Variants in IRAK2 observed in about 807,000 individuals in gnomAD.
IRAK2 encodes interleukin 1 receptor associated kinase 2, also known as interleukin-1 receptor-associated kinase-like 2.
In IRAK2, 57 loss-of-function variants were observed where a neutral mutation model predicts 72.0. The ratio of observed to expected loss-of-function variants is 0.79; its 90% CI spans 0.64 to 0.99. The LOEUF (loss-of-function observed/expected upper bound fraction) is 0.99. IRAK2 is among the 50% of genes least tolerant of loss of function. IRAK2 has a pLI of 0.00. For missense variants in IRAK2, 790 were observed against 794.4 expected (o/e 0.99, Z 0.07); for synonymous variants, 293 against 312.7 (o/e 0.94, Z 0.67).
At chr3:10,222,571 C>G (rs1697712835) in intron 8 of IRAK2, 65 bp from the exon 9 acceptor site, 1 of 1,380,000 alleles carries the variant, frequency 7.2e-7, no homozygotes, top group Non-Finnish European at 1.0e-6. Flanking sequence ...CCCAAAGGGT[C>G]TCCATGGCAA....
At chr3:10,181,335 C>G (rs1307967269) in intron 2 of IRAK2, among the ~76,000 whole-genome samples, 4 of 152,090 alleles carry the variant, frequency 2.6e-5, no homozygotes, top group Admixed American at 6.6e-5. Context: ...CTTGGCTGGG[C>G]ATGGTGGCTC....
Position 10,243,596 on chromosome 3 carries a change from T to C in IRAK2, c.*1368T>C, listed in dbSNP as rs988134164. 2 of 152,690 alleles carry C rather than the reference T, an allele frequency of 1.3e-5. No homozygotes were observed. The highest frequency in any genetic ancestry group is 2.9e-5 in the Non-Finnish European group (2 of 68,048). The allele number at this position is 152,690 out of a possible 1,614,324, so 9.5% of individuals were successfully genotyped here. On this transcript the variant is annotated 3_prime_UTR_variant, in exon 13 of 13. Coordinates refer to ENST00000256458, the MANE Select transcript of IRAK2 (RefSeq NM_001570.4). ...ATGTGTATTTCTGCCATGTACCTAA[T>C]GATTATTCAGTGCGTATATATCTGA...
At chr3:10,242,015 C>A in intron 12 of IRAK2, 101 bp from the exon 13 acceptor site, 10 of 630,890 alleles carry the variant, frequency 1.6e-5, no homozygotes, top group South Asian at 2.1e-5. Flanking sequence ...GCTCATTACA[C>A]TCAGGGCCTG....
Position 10,182,287 on chromosome 3 carries a change from C to CTTT in IRAK2, c.277+4278_277+4280dup, listed in dbSNP as rs564399732. 6.9e-4 allele frequency among the ~76,000 whole-genome samples: 89 copies of CTTT among 128,730 alleles called. 1 individual carries two copies. The highest frequency in any genetic ancestry group is 9.2e-4 in the Non-Finnish European group (57 of 61,644). The allele number at this position is 128,730 out of a possible 152,430, so 84.5% of individuals were successfully genotyped here. A position where few individuals can be genotyped will look rare whatever the true frequency, so the allele number is the denominator to read the frequency against. ...CCCAGCTACATCATTTTCTTTTTTTCTTTTTTTTTTTTTGGGACAGAGTCT... is the reference window on the plus strand; with the variant it reads ...CCCAGCTACATCATTTTCTTTTTTTCTTTTTTTTTTTTTTTTGGGACAGAGTCT... On this transcript the variant is annotated intron_variant, in intron 2 of 12. Transcript: ENST00000256458.
chr3:10,184,391 A>G (rs1180481715), intron 2 of IRAK2, among the ~76,000 whole-genome samples: 1 of 152,178 alleles, frequency 6.6e-6, no homozygotes, highest in East Asian at 1.9e-4. Flanking sequence ...ACCTGTCTTG[A>G]CCTGCATAAA....
At chr3:10,208,227 T>C (rs1190626883) in intron 3 of IRAK2, among the ~76,000 whole-genome samples, 3 of 151,982 alleles carry the variant, frequency 2.0e-5, no homozygotes, top group Non-Finnish European at 2.9e-5. Context: ...CATTTCACCA[T>C]CTGCAAAGAG....
chr3:10,174,530 G>GTTTTA (rs1696843270), intron 1 of IRAK2, among the ~76,000 whole-genome samples: 2 of 151,826 alleles, frequency 1.3e-5, no homozygotes, highest in African/African-American at 2.4e-5. Flanking sequence ...GTTTTGTTTT[G>GTTTTA]TTTTATTTTT....
chr3:10,172,793 G>A lies in IRAK2; in HGVS notation c.95-5045G>A, dbSNP rs1322600390. Among the ~76,000 whole-genome samples, 30 of 143,238 alleles carry A rather than the reference G, an allele frequency of 2.1e-4. No homozygotes were observed. In the Admixed American group the frequency reaches 2.1e-3, roughly 10 times the overall value. 94.0% of individuals were successfully genotyped at this position (143,238 alleles called of 152,430 possible). A position where few individuals can be genotyped will look rare whatever the true frequency, so the allele number is the denominator to read the frequency against. On this transcript the variant is annotated intron_variant, in intron 1 of 12. Transcript: ENST00000256458. ...GTGGAGGTTGTGGTGAGCCAAGATC[G>A]CGCCACTGCACTCCAGCCTGGGCAA...
intron 7 of IRAK2, among the ~76,000 whole-genome samples, chr3:10,218,995 C>T (rs879277441): frequency 1.3e-5 from 2 of 152,098 alleles, no homozygotes; most frequent in African/African-American, 2.4e-5. Flanking sequence ...CCCAGGAGTT[C>T]GAGACCAGCC....
chr3:10,185,043 C>T (rs891988969), intron 2 of IRAK2, among the ~76,000 whole-genome samples: 2 of 151,064 alleles, frequency 1.3e-5, no homozygotes, highest in African/African-American at 2.5e-5. Context: ...AACTCCATTC[C>T]CAGGTAAAGG....
At chr3:10,204,890 G>A (rs1697412212) in intron 3 of IRAK2, among the ~76,000 whole-genome samples, 1 of 152,042 alleles carries the variant, frequency 6.6e-6, no homozygotes, top group African/African-American at 2.4e-5. Flanking sequence ...CCTCACTCTT[G>A]GAAACAAGAT....
chr3:10,209,384 G>C (rs1697484031), intron 3 of IRAK2, among the ~76,000 whole-genome samples: 1 of 152,186 alleles, frequency 6.6e-6, no homozygotes, highest in Admixed American at 6.5e-5. Flanking sequence ...ATGATAAACA[G>C]GCCCCAGGTT....
chr3:10,167,850 G>T (rs1215905547), intron 1 of IRAK2, among the ~76,000 whole-genome samples: 1 of 152,216 alleles, frequency 6.6e-6, no homozygotes, highest in African/African-American at 2.4e-5. Flanking sequence ...TCACATACAA[G>T]ATTTTGTGCA....
chr3:10,201,018 C>T (rs1392524710), intron 3 of IRAK2, among the ~76,000 whole-genome samples: 1 of 152,136 alleles, frequency 6.6e-6, no homozygotes, highest in Non-Finnish European at 1.5e-5. Context: ...AACATACTGA[C>T]AATATCGGGA....
At chr3:10,192,974 C>T (rs534530285) in intron 2 of IRAK2, among the ~76,000 whole-genome samples, 7 of 152,096 alleles carry the variant, frequency 4.6e-5, no homozygotes, top group African/African-American at 1.2e-4. Context: ...TGGCTGGTCT[C>T]GGGTCGGGGG....
intron 12 of IRAK2, 117 bp from the exon 13 acceptor site, chr3:10,241,999 A>AAT (rs1698068059): frequency 3.9e-6 from 2 of 514,888 alleles, no homozygotes; most frequent in Admixed American, 3.5e-5. Context: ...AAAAAAAAAA[A>AAT]GAAATGCTCA....
At position 10,177,843 on chromosome 3, in the gene IRAK2, T is replaced by C. The variant is rs562135257; in HGVS notation, c.100T>C (p.Tyr34His). The C allele has an allele frequency of 6.2e-7, 1 of 1,612,592 alleles. No individual in the cohort carries two copies. The highest frequency in any genetic ancestry group is 1.3e-5 in the African/African-American group (1 of 75,066). ...SEWDWMEFAS[Y>H]VITDLTQLRK... ...GTTCTCTCCGTCCCTTCCAGCCTCC[T>C]ACGTGATCACAGACCTGACCCAGCT... The change falls in exon 2 of 13, where the codon TAC becomes CAC. Residue 34 changes from tyrosine (Y) to histidine (H), a missense_variant. By Grantham distance (83) the Tyr-to-His change is moderately conservative. Coordinates refer to ENST00000256458, the MANE Select transcript of IRAK2 (RefSeq NM_001570.4).
chr3:10,171,739 G>A (rs1053302946), intron 1 of IRAK2, among the ~76,000 whole-genome samples: 1 of 150,304 alleles, frequency 6.7e-6, no homozygotes, highest in African/African-American at 2.4e-5. Flanking sequence ...CAAAGTGTTT[G>A]GATTACAGGC....
chr3:10,187,876 C>G (rs753808617), intron 2 of IRAK2, among the ~76,000 whole-genome samples: 14 of 152,126 alleles, frequency 9.2e-5, no homozygotes, highest in Non-Finnish European at 7.4e-5. Context: ...AGAGGCAGTA[C>G]TTGTATGTTC....
Sources: allele counts gnomAD v4.1 joint callset (sites outside exome capture counted in the v4.1 genomes callset), GRCh38; gene constraint gnomAD v4.1.1; transcripts MANE v1.5; gene names NCBI Gene and HGNC (gene_info 2026-07-23, HGNC 2026-07-21).